ANO1: variants seen among roughly 807,000 people sequenced by gnomAD.
ANO1 encodes anoctamin 1, also known as anoctamin-1.
ANO1 carries 59 observed loss-of-function variants against 124.0 expected under a neutral mutation model. The ratio of observed to expected loss-of-function variants is 0.48; its 90% CI spans 0.39 to 0.59. The LOEUF is 0.59. ANO1 is among the 20% of genes least tolerant of loss of function. The pLI, the probability that ANO1 is intolerant of heterozygous loss-of-function variation, is 0.00. For synonymous variants in ANO1, 529 were observed against 532.0 expected (o/e 0.99, Z 0.08); for missense variants, 1,059 against 1,328.0 (o/e 0.80, Z 3.15).
chr11:69,967,175 GGC>G, the ANO1 span, among the ~76,000 whole-genome samples: 1 of 21,994 alleles, frequency 4.5e-5, no homozygotes, highest in Non-Finnish European at 1.6e-4. Flanking sequence ...GCTAGCATCA[GGC>G]TCTGAGCGCC....
At position 70,014,493 on chromosome 11, in the gene ANO1, G is replaced by A. The variant is rs191216140; in HGVS notation, c.58+28327G>A. ...TCTGTGCAGTTCTAGTTCACTCACCGTCACTGCCGAGTCCTCTTGCACTTG... is the reference window on the plus strand; with the variant it reads ...TCTGTGCAGTTCTAGTTCACTCACCATCACTGCCGAGTCCTCTTGCACTTG... On this transcript the variant is annotated intron_variant, in intron 1 of 27. Transcript: ENST00000531349. Among the ~76,000 whole-genome samples, 248 of 152,248 alleles carry A rather than the reference G, an allele frequency of 1.6e-3. 3 individuals carry two copies. The highest frequency in any genetic ancestry group is 9.6e-3 in the Admixed American group (147 of 15,298).
Position 70,130,073 on chromosome 11 carries a change from C to T in ANO1, c.1098-1846C>T, listed in dbSNP as rs372807305. ...CTGCTGTGGACCAGGCATGGTTCTG[C>T]GCATAAGTTCAGCATATCCAGAAAG... On this transcript the variant is annotated intron_variant, in intron 10 of 25. Coordinates refer to ENST00000355303, the MANE Select transcript of ANO1 (RefSeq NM_018043.7). Among the ~76,000 whole-genome samples, 29 of 152,284 alleles carry T rather than the reference C, an allele frequency of 1.9e-4. No homozygotes were observed. The South Asian group carries it at 5.8e-3, about 30-fold the overall frequency.
intron 1 of ANO1, among the ~76,000 whole-genome samples, chr11:69,992,465 C>T (rs1856175347): frequency 6.6e-6 from 1 of 152,156 alleles, no homozygotes; most frequent in Non-Finnish European, 1.5e-5. Context: ...AAGGAATGTG[C>T]CTAATTTCCC....
intron 6 of ANO1, among the ~76,000 whole-genome samples, chr11:70,110,345 C>A (rs867022165): frequency 3.4e-4 from 52 of 152,170 alleles, no homozygotes; most frequent in Middle Eastern, 3.4e-3. Flanking sequence ...CGCCACCACG[C>A]CTGGCTAATT....
At chr11:70,020,985 G>A (rs1268949543) in intron 1 of ANO1, 1 of 152,166 alleles carries the variant, frequency 6.6e-6, no homozygotes, top group African/African-American at 2.4e-5. Context: ...TGCGGGCGTC[G>A]GGCTGGGTGC....
chr11:70,044,257 A>G (rs1358292488), intron 1 of ANO1, among the ~76,000 whole-genome samples: 1 of 152,152 alleles, frequency 6.6e-6, no homozygotes, highest in Non-Finnish European at 1.5e-5. Context: ...TTAATACAAA[A>G]AAAGCACACA....
At chr11:70,040,844 T>A (rs1555004968) in intron 1 of ANO1, among the ~76,000 whole-genome samples, 1 of 152,226 alleles carries the variant, frequency 6.6e-6, no homozygotes, top group African/African-American at 2.4e-5. Context: ...AATGAACAGC[T>A]GCACAGATTC....
At chr11:70,016,981 C>A (rs887157715) in intron 1 of ANO1, among the ~76,000 whole-genome samples, 12 of 152,194 alleles carry the variant, frequency 7.9e-5, no homozygotes, top group African/African-American at 2.2e-4. Flanking sequence ...AGTTTACTTT[C>A]TTTCTTTTCC....
chr11:70,088,744 G>T (rs1167951411), intron 2 of ANO1, among the ~76,000 whole-genome samples: 1 of 152,056 alleles, frequency 6.6e-6, no homozygotes, highest in Non-Finnish European at 1.5e-5. Context: ...GGGGAGGGAG[G>T]ACAAAGCTCT....
At chr11:70,170,866 A>T (rs757213780) in intron 21 of ANO1, 21 bp from the exon 22 acceptor site, 1 of 1,610,904 alleles carries the variant, frequency 6.2e-7, no homozygotes, top group Non-Finnish European at 8.5e-7. Context: ...GGTGCTGACT[A>T]GCACTGGGCT....
At position 70,134,060 on chromosome 11, in the gene ANO1, C is replaced by T. The variant is rs190053710; in HGVS notation, c.1258+1981C>T. Among the ~76,000 whole-genome samples, 9 of 152,326 alleles carry T rather than the reference C, an allele frequency of 5.9e-5. 1 individual carries two copies. The East Asian group carries it at 7.7e-4, about 13-fold the overall frequency. On this transcript the variant is annotated intron_variant, in intron 11 of 25. Coordinates refer to ENST00000355303, the MANE Select transcript of ANO1 (RefSeq NM_018043.7). Reference sequence around the variant, plus strand: ...GGACGGCCACCTCCCTCAAGACCCTCCTCACCCTGGAATCTTATTGGGCAG... The same window carrying T: ...GGACGGCCACCTCCCTCAAGACCCTTCTCACCCTGGAATCTTATTGGGCAG...
At chr11:70,098,673 A>C (rs1338853505) in intron 2 of ANO1, among the ~76,000 whole-genome samples, 2 of 152,194 alleles carry the variant, frequency 1.3e-5, no homozygotes, top group African/African-American at 2.4e-5. Context: ...TTAGGGGTGC[A>C]AACCTTCAAA....
At chr11:70,078,945 C>T (rs1344204756) in intron 1 of ANO1, among the ~76,000 whole-genome samples, 2 of 151,938 alleles carry the variant, frequency 1.3e-5, no homozygotes, top group African/African-American at 4.8e-5. Context: ...GGCGCCCACT[C>T]CGCCCAGCGC....
chr11:70,145,068 C>T (rs189598249), intron 11 of ANO1, among the ~76,000 whole-genome samples: 10 of 152,250 alleles, frequency 6.6e-5, no homozygotes, highest in Admixed American at 1.3e-4. Context: ...GGGCAGGAAT[C>T]GGAACTCGTG....
At chr11:69,992,381 C>T (rs1331132904) in intron 1 of ANO1, among the ~76,000 whole-genome samples, 1 of 152,160 alleles carries the variant, frequency 6.6e-6, no homozygotes, top group African/African-American at 2.4e-5. Context: ...ATGTCATTCC[C>T]TTTAATACTC....
chr11:70,026,995 C>T (rs1555003308), intron 1 of ANO1, among the ~76,000 whole-genome samples: 2 of 152,170 alleles, frequency 1.3e-5, no homozygotes, highest in African/African-American at 4.8e-5. Context: ...CATGGCCTCC[C>T]CTCATTCAAG....
chr11:70,182,416 T>C (rs2048961575), intron 23 of ANO1, 86 bp from the exon 24 acceptor site: 2 of 1,181,794 alleles, frequency 1.7e-6, no homozygotes, highest in Non-Finnish European at 2.3e-6. Context: ...GGGTCCAGTG[T>C]AACTGTGGAT....
rs540612884 is a variant in ANO1 at position 70,048,879 on chromosome 11, T to A, written c.59-29663T>A. ...CTCAGCAGAAAGTGGACAGACAGGA[T>A]CCTGGACAGTGTGTTTGCCAGTGGA... On this transcript the variant is annotated intron_variant, in intron 1 of 27. Transcript: ENST00000531349. Among the ~76,000 whole-genome samples the A allele has an allele frequency of 3.2e-3, 480 of 152,212 alleles. 2 individuals carry two copies. The highest frequency in any genetic ancestry group is 0.011 in the African/African-American group (453 of 41,534).
At chr11:70,161,975 C>T (rs1255280560) in intron 18 of ANO1, among the ~76,000 whole-genome samples, 1 of 151,208 alleles carries the variant, frequency 6.6e-6, no homozygotes, top group African/African-American at 2.4e-5. Context: ...CAGTGAGGAC[C>T]GGGGAGTGAG....
Sources: gnomAD v4.1 joint callset for allele counts (sites outside exome capture counted in the v4.1 genomes callset) on GRCh38, gnomAD v4.1.1 for gene constraint, MANE v1.5 for transcripts, NCBI Gene and HGNC (gene_info 2026-07-23, HGNC 2026-07-21) for gene names.